The following ATM variants were observed in gnomAD, a reference collection of about 807,000 sequenced individuals.
The protein encoded by ATM is ATM serine/threonine kinase.
A neutral mutation model predicts 387.0 loss-of-function variants in ATM; 308 were observed. The ratio of observed to expected loss-of-function variants is 0.80; its 90% CI spans 0.73 to 0.87. ATM has a LOEUF of 0.87. Ranked by LOEUF, ATM falls within the 40% of genes least tolerant of loss-of-function variation. The pLI, the probability that ATM is intolerant of heterozygous loss-of-function variation, is 0.00. For missense variants in ATM, 3,312 were observed against 3,560.9 expected, an observed-to-expected ratio of 0.93 and a Z score of 1.78; for synonymous variants, 1,156 against 1,187.3, an observed-to-expected ratio of 0.97 and a Z score of 0.54.
chr11:108,229,377 A>T (rs878998551), intron 4 of ATM, 54 bp downstream of exon 4: 15 of 1,092,198 alleles, frequency 1.4e-5, no homozygotes, highest in Non-Finnish European at 1.9e-5. Flanking sequence ...CTGTCGCGTG[A>T]GTTTTTTTTT....
intron 56 of ATM, among the ~76,000 whole-genome samples, chr11:108,338,985 C>T (rs1173913807): frequency 6.6e-6 from 1 of 152,194 alleles, no homozygotes; most frequent in Non-Finnish European, 1.5e-5. Context: ...CATACATTGA[C>T]TACCTGGAAC....
intron 1 of ATM, 53 bp from the exon 2 acceptor site, chr11:108,227,542 A>G: frequency 2.7e-6 from 3 of 1,113,034 alleles, no homozygotes; most frequent in Non-Finnish European, 4.1e-6. Flanking sequence ...CTTTCTCTCT[A>G]TATATGCATA....
At chr11:108,225,767 C>G (rs953091204) in intron 1 of ATM, 4 of 152,214 alleles carry the variant, frequency 2.6e-5, no homozygotes, top group African/African-American at 9.6e-5. Flanking sequence ...TGAGCCACCA[C>G]GCCTAGCCCC....
intron 38 of ATM, among the ~76,000 whole-genome samples, chr11:108,309,619 C>G (rs997422060): frequency 1.3e-5 from 2 of 152,152 alleles, no homozygotes; most frequent in East Asian, 3.8e-4. Flanking sequence ...GAAAAAGATA[C>G]TATCTATGGT....
intron 26 of ATM, among the ~76,000 whole-genome samples, chr11:108,286,702 G>A (rs568333399): frequency 4.7e-4 from 71 of 152,224 alleles, no homozygotes; most frequent in African/African-American, 1.2e-3. Context: ...TTTTGATTTC[G>A]TTCTAGGAGG....
At position 108,310,201 on chromosome 11, in the gene ATM, A is replaced by AT; in HGVS notation, c.5807dup (p.Leu1936PhefsTer29). 1 of 1,613,616 alleles carries AT rather than the reference A, an allele frequency of 6.2e-7. No homozygotes were observed. The highest frequency in any genetic ancestry group is 1.1e-5 in the South Asian group (1 of 91,058). The stretch of plus-strand genomic sequence containing the variant: ...ATTTTTAATGATGCTTTCTGGCTGG[A>AT]TTTAAATTATCTAGAAGTTGCCAAG... On this transcript the variant is annotated frameshift_variant, in exon 39 of 63. Coordinates refer to ENST00000675843, the MANE Select transcript of ATM (RefSeq NM_000051.4). LOFTEE classifies it high-confidence loss of function.
Position 108,354,780 on chromosome 11 carries a change from A to G in ATM, c.8787-31A>G, listed in dbSNP as rs752493571. The G allele has an allele frequency of 1.3e-5, 20 of 1,591,624 alleles. No individual in the cohort carries two copies. In the South Asian group the frequency reaches 2.2e-4, roughly 18 times the overall value. On this transcript the variant is annotated intron_variant, in intron 60 of 62. Transcript: ENST00000675843. ...ACGTTGACAACATTGGTGTGTAACA[A>G]AATCCGTATTTATAATGTGTTTGAC...
In ATM at chr11:108,282,832, TTTTCC is replaced by T; in HGVS notation, c.3703_3707del (p.Pro1235TyrfsTer9). The T allele has an allele frequency of 1.3e-6, 2 of 1,539,344 alleles. No homozygotes were observed. Among genetic ancestry groups the T allele is most frequent in the Non-Finnish European group, 1.8e-6 (2 of 1,114,532 alleles). ...AAGATACTGAATACAACTTATCTTC[TTTTCC>T]TTTTATTTTATTAAACTACACAAAT... On this transcript the variant is annotated frameshift_variant, in exon 25 of 63. Coordinates refer to ENST00000675843, the MANE Select transcript of ATM (RefSeq NM_000051.4). LOFTEE classifies it high-confidence loss of function.
intron 5 of ATM, among the ~76,000 whole-genome samples, chr11:108,236,785 AGCTGG>A (rs2079301007): frequency 6.6e-6 from 1 of 152,148 alleles, no homozygotes; most frequent in Non-Finnish European, 1.5e-5. Context: ...TCCTGTTTAT[AGCTGG>A]GAGGTACTGA....
At chr11:108,261,970 A>G (rs1470215089) in intron 16 of ATM, among the ~76,000 whole-genome samples, 1 of 152,194 alleles carries the variant, frequency 6.6e-6, no homozygotes, top group Non-Finnish European at 1.5e-5. Context: ...CCTCCAAGAA[A>G]TATGGGACTA....
intron 45 of ATM, among the ~76,000 whole-genome samples, chr11:108,323,177 G>A (rs1355286186): frequency 2.0e-5 from 3 of 152,154 alleles, no homozygotes; most frequent in Non-Finnish European, 2.9e-5. Context: ...AATAATAATA[G>A]TTTTTTCAAA....
In ATM at chr11:108,247,182, A is replaced by T; in HGVS notation, c.1065+55A>T. 5 of 1,592,326 alleles carry T rather than the reference A, an allele frequency of 3.1e-6. No homozygotes were observed. In the South Asian group the frequency reaches 4.5e-5, roughly 14 times the overall value. ...AAATTTCCTGTTAATTTTTTTTTTA[A>T]ACTGGGCATTTTGGGCTTTTAAAAC... On this transcript the variant is annotated intron_variant, in intron 8 of 62. Transcript: ENST00000675843.
chr11:108,299,947 C>T, intron 34 of ATM, 62 bp downstream of exon 34: 1 of 1,448,366 alleles, frequency 6.9e-7, no homozygotes, highest in Non-Finnish European at 9.7e-7. Context: ...AATGATACTT[C>T]ACACAAATAG....
chr11:108,297,294 G>T lies in ATM; in HGVS notation c.4917G>T (p.Pro1639=), dbSNP rs140425622. ...TTAAAAAATTATTTCTAGATAATCCGCAAGATGGGATTATGGTGAAACTAG... is the reference window on the plus strand; with the variant it reads ...TTAAAAAATTATTTCTAGATAATCCTCAAGATGGGATTATGGTGAAACTAG... ...VDIMRASQDN[P]QDGIMVKLVV... Residue 1639 remains proline, a synonymous_variant, in exon 33 of 63, where the codon CCG becomes CCT. Coordinates refer to ENST00000675843, the MANE Select transcript of ATM (RefSeq NM_000051.4). The T allele has an allele frequency of 2.5e-6, 4 of 1,613,228 alleles. No individual in the cohort carries two copies. Among genetic ancestry groups the T allele is most frequent in the East Asian group, 4.5e-5 (2 of 44,854 alleles).
chr11:108,357,758 CA>C (rs1367396082), intron 61 of ATM, among the ~76,000 whole-genome samples: 3 of 152,128 alleles, frequency 2.0e-5, no homozygotes, highest in Admixed American at 6.5e-5. Flanking sequence ...GGAAAACTAA[CA>C]AACAGAAAGG....
rs2136222693 is a variant in ATM, at chr11:108,320,056, C to T, written c.6450C>T (p.Ala2150=). ...CATTTTATGAAAGTCTCAAATATGCCAGGTATTATGAAAAGACAAAGTTAC... is the reference window on the plus strand; with the variant it reads ...CATTTTATGAAAGTCTCAAATATGCTAGGTATTATGAAAAGACAAAGTTAC... The part of the protein sequence containing the change: ...FSTFYESLKY[A]RVKEVEEMCK... Residue 2150 remains alanine (A), a splice_region_variant and synonymous_variant, in exon 44 of 63, where the codon GCC becomes GCT. Transcript: ENST00000675843. 6.3e-7 allele frequency: 1 copy of T among 1,581,874 alleles called. No individual in the cohort carries two copies. Among genetic ancestry groups the T allele is most frequent in the Non-Finnish European group, 8.7e-7 (1 of 1,150,880 alleles).
chr11:108,297,328 T>G lies in ATM; in HGVS notation c.4951T>G (p.Leu1651Val). Residue 1651 changes from leucine to valine, a missense_variant, in exon 33 of 63, where the codon TTG becomes GTG. Leu to Val is a conservative substitution (Grantham distance 32). Around this residue, in one of 4 missense-constraint regions of ATM, gnomAD observed 1,405 missense variants for 1,604.4 expected, o/e 0.88. Coordinates refer to ENST00000675843, the MANE Select transcript of ATM (RefSeq NM_000051.4). ...GATTATGGTGAAACTAGTTGTCAATTTGTTGCAGTTATCCAAGATGGCAAT... is the reference window on the plus strand; with the variant it reads ...GATTATGGTGAAACTAGTTGTCAATGTGTTGCAGTTATCCAAGATGGCAAT... ...DGIMVKLVVNLLQLSKMAINH... is the reference protein window; with the variant it reads ...DGIMVKLVVNVLQLSKMAINH... 6.2e-7 allele frequency: 1 copy of G among 1,614,062 alleles called. No individual in the cohort carries two copies. The highest frequency in any genetic ancestry group is 8.5e-7 in the Non-Finnish European group (1 of 1,179,978).
intron 42 of ATM, 42 bp from the exon 43 acceptor site, chr11:108,317,331 T>G: frequency 6.3e-7 from 1 of 1,591,836 alleles, no homozygotes; most frequent in Non-Finnish European, 8.6e-7. Flanking sequence ...TCTGTTGATA[T>G]CTTTGATTAC....
intron 22 of ATM, among the ~76,000 whole-genome samples, chr11:108,274,625 T>C (rs1016156767): frequency 1.3e-5 from 2 of 152,252 alleles, no homozygotes; most frequent in African/African-American, 4.8e-5. Context: ...TTTCATTATT[T>C]ACCTAGTAGT....
Sources: gnomAD v4.1 joint callset for allele counts (sites outside exome capture counted in the v4.1 genomes callset) on GRCh38, gnomAD v4.1.1 for gene constraint, gnomAD v4.1.1 regional missense constraint, MANE v1.5 for transcripts, NCBI Gene and HGNC (gene_info 2026-07-23, HGNC 2026-07-21) for gene names.